Variants in ANKS1B observed in about 807,000 individuals in gnomAD.
ANKS1B encodes ankyrin repeat and sterile alpha motif domain-containing protein 1B.
In ANKS1B, 36 loss-of-function variants were observed where a neutral mutation model predicts 148.3. The observed-to-expected ratio is 0.24, with a 90% CI of 0.19 to 0.32. The LOEUF (loss-of-function observed/expected upper bound fraction) is 0.32, where lower values mean the gene tolerates loss of function less well. Among genes scored for constraint, ANKS1B ranks in the 10% least tolerant of loss-of-function variants. The pLI, the probability that ANKS1B is intolerant of heterozygous loss-of-function variation, is 1.00. For synonymous variants in ANKS1B, 542 were observed against 560.8 expected (o/e 0.97, Z 0.47); for missense variants, 1,157 against 1,542.6 (o/e 0.75, Z 4.19).
chr12:99,532,368 T>C (rs1430665897), intron 9 of ANKS1B, among the ~76,000 whole-genome samples: 1 of 152,090 alleles, frequency 6.6e-6, no homozygotes, highest in Non-Finnish European at 1.5e-5. Flanking sequence ...GTTTGCTTGT[T>C]TGTTTGTTTT....
intron 17 of ANKS1B, among the ~76,000 whole-genome samples, chr12:99,001,317 C>T (rs147608993): frequency 1.2e-4 from 18 of 151,888 alleles, no homozygotes; most frequent in African/African-American, 3.1e-4. Context: ...TTTGTAGAGA[C>T]GAGGTCTCAC....
rs1411001496 is a variant in ANKS1B at position 99,046,242 on chromosome 12, C to G, written c.2778+6915G>C. On this transcript the variant is annotated intron_variant, in intron 17 of 26. Transcript: ENST00000683438. ...CTATTCAAAGAATTTTCCTGTATCC[C>G]AGAGCAATACCCAAAAATATCTGTA... is the stretch of plus-strand genomic sequence containing the variant. Among the ~76,000 whole-genome samples the G allele has an allele frequency of 2.0e-5, 3 of 151,828 alleles. No homozygotes were observed. In the East Asian group the frequency reaches 5.8e-4, roughly 29 times the overall value.
intron 14 of ANKS1B, among the ~76,000 whole-genome samples, chr12:99,208,217 A>G (rs967076465): frequency 4.6e-5 from 7 of 152,076 alleles, no homozygotes; most frequent in Non-Finnish European, 1.0e-4. Flanking sequence ...AATCCTCTCT[A>G]TTAAAGAGCT....
Position 99,910,401 on chromosome 12 carries a change from C to G in ANKS1B, c.134+73703G>C, listed in dbSNP as rs558136844. ...AAGAGGAATAAAGTACAGATACATG[C>G]AATAACATGGGTGAATTCTGAAAAC... On this transcript the variant is annotated intron_variant, in intron 1 of 26. Transcript: ENST00000683438. Among the ~76,000 whole-genome samples, 3 of 142,930 alleles carry G rather than the reference C, an allele frequency of 2.1e-5. No individual in the cohort carries two copies. The South Asian group carries it at 6.8e-4, about 32-fold the overall frequency. The allele number at this position is 142,930 out of a possible 152,430, so 93.8% of individuals were successfully genotyped here.
chr12:99,692,950 G>T (rs11109999), intron 8 of ANKS1B, among the ~76,000 whole-genome samples: 35,219 of 152,090 alleles, frequency 0.23, 4,722 homozygotes, highest in Non-Finnish European at 0.31. Context: ...AGAGTCATTG[G>T]CATGTAGGCA....
chr12:99,289,505 G>C (rs1473345941), intron 12 of ANKS1B, among the ~76,000 whole-genome samples: 1 of 152,064 alleles, frequency 6.6e-6, no homozygotes, highest in Non-Finnish European at 1.5e-5. Context: ...CTCAAGTATA[G>C]ATGATATGTT....
At chr12:98,923,308 C>G (rs2099803939) in intron 17 of ANKS1B, among the ~76,000 whole-genome samples, 2 of 152,178 alleles carry the variant, frequency 1.3e-5, no homozygotes, top group Non-Finnish European at 2.9e-5. Flanking sequence ...CCAGACACAG[C>G]TGCCTAAGCT....
chr12:99,503,460 A>T (rs2096675190), intron 10 of ANKS1B, among the ~76,000 whole-genome samples: 1 of 152,146 alleles, frequency 6.6e-6, no homozygotes, highest in Non-Finnish European at 1.5e-5. Flanking sequence ...CTTAACTTCT[A>T]CCCATTCTGT....
chr12:99,387,589 C>T (rs2093917909), intron 12 of ANKS1B, among the ~76,000 whole-genome samples: 1 of 150,460 alleles, frequency 6.6e-6, no homozygotes, highest in South Asian at 2.1e-4. Flanking sequence ...GAGTGAGACT[C>T]TGTCTCAAAA....
At chr12:99,565,150 G>A (rs2097375136) in intron 9 of ANKS1B, among the ~76,000 whole-genome samples, 2 of 152,118 alleles carry the variant, frequency 1.3e-5, no homozygotes. Flanking sequence ...TTCTAATTCA[G>A]TCTAATAAAG....
intron 14 of ANKS1B, among the ~76,000 whole-genome samples, chr12:99,175,987 C>T (rs1276557192): frequency 6.6e-6 from 1 of 152,182 alleles, no homozygotes; most frequent in Non-Finnish European, 1.5e-5. Context: ...GCTGGGATTA[C>T]AGGTGCCCAT....
intron 9 of ANKS1B, among the ~76,000 whole-genome samples, chr12:99,582,596 G>C (rs2097581408): frequency 6.6e-6 from 1 of 152,168 alleles, no homozygotes; most frequent in Non-Finnish European, 1.5e-5. Context: ...AGAATGCATA[G>C]TATCTGGTTC....
downstream of ANKS1B, among the ~76,000 whole-genome samples, chr12:98,739,634 T>C (rs368612004): frequency 1.8e-4 from 27 of 152,170 alleles, no homozygotes; most frequent in East Asian, 3.5e-3. Flanking sequence ...TCTGCCATCT[T>C]GATTGCATCT....
chr12:99,943,188 C>CCTTT (rs2094962533), intron 1 of ANKS1B, among the ~76,000 whole-genome samples: 1 of 152,158 alleles, frequency 6.6e-6, no homozygotes, highest in Non-Finnish European at 1.5e-5. Flanking sequence ...TGAAACCCAT[C>CCTTT]CTTTCTTTGG....
In ANKS1B at chr12:99,581,760, G is replaced by A. The variant is rs372046459; in HGVS notation, c.1272+73307C>T. ...AAAAAAATTAGCCGGGCGCGGTGGC[G>A]GGCGCCTGTAGTCCCAGCTACTCGG... On this transcript the variant is annotated intron_variant, in intron 9 of 26. Transcript: ENST00000683438. Among the ~76,000 whole-genome samples the A allele has an allele frequency of 1.8e-3, 274 of 151,664 alleles. 1 individual carries two copies. Among genetic ancestry groups the A allele is most frequent in the African/African-American group, 6.2e-3 (255 of 41,416 alleles).
intron 17 of ANKS1B, among the ~76,000 whole-genome samples, chr12:99,039,884 T>G (rs569958516): frequency 4.6e-5 from 7 of 152,222 alleles, no homozygotes; most frequent in Non-Finnish European, 5.9e-5. Flanking sequence ...CTAGGTGAAG[T>G]TATACATCAG....
intron 1 of ANKS1B, among the ~76,000 whole-genome samples, chr12:99,866,718 G>A (rs1022826132): frequency 2.6e-5 from 4 of 151,992 alleles, no homozygotes; most frequent in Non-Finnish European, 5.9e-5. Flanking sequence ...ACCAGTATTT[G>A]TTCCCCCAGG....
intron 9 of ANKS1B, among the ~76,000 whole-genome samples, chr12:99,520,884 C>T (rs1465084741): frequency 6.6e-6 from 1 of 152,146 alleles, no homozygotes; most frequent in Non-Finnish European, 1.5e-5. Context: ...GCAACCTTCA[C>T]TTCCTTGGTT....
At chr12:99,123,735 T>C (rs1362677371) in intron 15 of ANKS1B, among the ~76,000 whole-genome samples, 1 of 152,064 alleles carries the variant, frequency 6.6e-6, no homozygotes, top group Non-Finnish European at 1.5e-5. Flanking sequence ...AGGAGAAAGA[T>C]GGAGGCCAGA....
Sources: allele counts gnomAD v4.1 joint callset (sites outside exome capture counted in the v4.1 genomes callset), GRCh38; gene constraint gnomAD v4.1.1; transcripts MANE v1.5; gene names NCBI Gene and HGNC (gene_info 2026-07-23, HGNC 2026-07-21).